Variants in ADPRHL1 observed in about 807,000 individuals in gnomAD.
ADPRHL1 encodes the protein ADP-ribosylhydrolase like 1, also known as inactive ADP-ribosyltransferase ARH2.
In ADPRHL1, 43 loss-of-function variants were observed where a neutral mutation model predicts 44.1. The ratio of observed to expected loss-of-function variants is 0.98; its 90% confidence interval spans 0.76 to 1.26. ADPRHL1 has a LOEUF of 1.26. Among genes scored for constraint, ADPRHL1 ranks in the 50% most tolerant of loss-of-function variants. The probability of loss-of-function intolerance (pLI) is 0.00; values close to 1 mark genes in which losing one functional copy is unlikely to be tolerated. For missense variants in ADPRHL1, 2,022 were observed against 2,496.9 expected (o/e 0.81, Z 4.05); for synonymous variants, 878 against 1,017.4 (o/e 0.86, Z 2.61).
chr13:113,442,711 T>G (rs1371909978), intron 2 of ADPRHL1, among the ~76,000 whole-genome samples: 2 of 152,220 alleles, frequency 1.3e-5, no homozygotes, highest in Admixed American at 1.3e-4. Flanking sequence ...GGAATTGATT[T>G]TCTTGTATCT....
intron 7 of ADPRHL1, among the ~76,000 whole-genome samples, chr13:113,419,893 A>C (rs1174905214): frequency 3.3e-5 from 5 of 152,188 alleles, no homozygotes; most frequent in Non-Finnish European, 7.3e-5. Context: ...TCTCACATAC[A>C]GGTGGACAGC....
At position 113,406,478 on chromosome 13, in the gene ADPRHL1, G is replaced by A. The variant is rs1207167191; in HGVS notation, c.2804C>T (p.Ala935Val). ...RLAAARGAVG[A>V]DHSVPETLLT... Reference sequence around the variant, plus strand: ...AAGTGTCTCTGGGACACTGTGGTCGGCGCCCACAGCCCCTCTTGCTGCTGC... The same window carrying A: ...AAGTGTCTCTGGGACACTGTGGTCGACGCCCACAGCCCCTCTTGCTGCTGC... The change falls in exon 8 of 8, where the codon GCC (alanine) becomes GTC (valine). Residue 935 changes from alanine (A) to valine (V), a missense_variant. Physicochemically the swap from Ala to Val is moderately conservative, Grantham distance 64. Coordinates refer to ENST00000612156, the MANE Select transcript of ADPRHL1 (RefSeq NM_001394807.1). The A allele has an allele frequency of 1.1e-5, 14 of 1,231,828 alleles. No individual in the cohort carries two copies. Among genetic ancestry groups the A allele is most frequent in the Non-Finnish European group, 1.3e-5 (13 of 987,968 alleles). 76.3% of individuals were successfully genotyped at this position (1,231,828 alleles called of 1,614,324 possible).
rs538212431 is a variant in ADPRHL1 at position 113,450,919 on chromosome 13, C to CAG, written c.214+2303_214+2304dup. On this transcript the variant is annotated intron_variant, in intron 1 of 7. Transcript: ENST00000612156. Reference sequence around the variant, plus strand: ...AGGCCCTCCACAAGAGGTGGAAGAGCAGTCTTCTCTAAACTCCCCTGGGGA... The same window carrying CAG: ...AGGCCCTCCACAAGAGGTGGAAGAGCAGAGTCTTCTCTAAACTCCCCTGGGGA... Among the ~76,000 whole-genome samples, 187 of 151,494 alleles carry CAG rather than the reference C, an allele frequency of 1.2e-3. 2 individuals carry two copies. The East Asian group carries it at 0.016, about 13-fold the overall frequency.
intron 1 of ADPRHL1, among the ~76,000 whole-genome samples, chr13:113,445,839 C>A (rs781465991): frequency 2.8e-5 from 4 of 143,308 alleles, no homozygotes; most frequent in Admixed American, 7.3e-5. Context: ...AGCTGCAAAC[C>A]CCTGGCGAGA....
intron 4 of ADPRHL1, among the ~76,000 whole-genome samples, chr13:113,428,198 T>A (rs1452994617): frequency 7.0e-6 from 1 of 142,298 alleles, no homozygotes; most frequent in Non-Finnish European, 1.5e-5. Context: ...GAGCTGAGAT[T>A]GCATCATTGC....
chr13:113,442,194 A>G (rs1166646964), intron 2 of ADPRHL1, among the ~76,000 whole-genome samples: 1 of 152,218 alleles, frequency 6.6e-6, no homozygotes, highest in Non-Finnish European at 1.5e-5. Context: ...GGTGGCTCAC[A>G]CCGTAATCTC....
At position 113,425,193 on chromosome 13, in the gene ADPRHL1, AC is replaced by A; in HGVS notation, c.647-15del. On this transcript the variant is annotated splice_polypyrimidine_tract_variant and intron_variant, in intron 4 of 7. Transcript: ENST00000612156. Reference sequence around the variant, plus strand: ...GCTCCTGGTATTCTAAACATAAAGAACAAGGGGAGCTGAACACAATGGCATC... The same window carrying A: ...GCTCCTGGTATTCTAAACATAAAGAAAAGGGGAGCTGAACACAATGGCATC... 2 of 1,492,652 alleles carry A rather than the reference AC, an allele frequency of 1.3e-6. No individual in the cohort carries two copies. Among genetic ancestry groups the A allele is most frequent in the Non-Finnish European group, 1.8e-6 (2 of 1,104,292 alleles). 92.5% of individuals were successfully genotyped at this position (1,492,652 alleles called of 1,614,324 possible).
At chr13:113,432,728 C>T (rs1322659312) in intron 3 of ADPRHL1, among the ~76,000 whole-genome samples, 7 of 151,908 alleles carry the variant, frequency 4.6e-5, no homozygotes, top group Non-Finnish European at 8.8e-5. Context: ...GCTGTTCTCA[C>T]GGAGGGGTGG....
rs534717179 is a variant in ADPRHL1, at chr13:113,404,256, C to A, written c.5026G>T (p.Ala1676Ser). Residue 1676 changes from alanine to serine, a missense_variant, in exon 8 of 8, where the codon GCT becomes TCT. Physicochemically the swap from Ala to Ser is moderately conservative, Grantham distance 99 (BLOSUM62 1). Coordinates refer to ENST00000612156, the MANE Select transcript of ADPRHL1 (RefSeq NM_001394807.1). ...GQAQKGAQER[A>S]REQAQKGAQE... ...GCCCCTTTCTGGGCCTGTTCCCGAG[C>A]CCGTTCCTGAGCCCCCTTCTGGGCC... 58 of 1,313,246 alleles carry A rather than the reference C, an allele frequency of 4.4e-5. No individual in the cohort carries two copies. The African/African-American group carries it at 7.7e-4, about 18-fold the overall frequency. The allele number at this position is 1,313,246 out of a possible 1,614,324, so 81.3% of individuals were successfully genotyped here.
At chr13:113,432,680 G>A (rs779437488) in intron 3 of ADPRHL1, among the ~76,000 whole-genome samples, 2 of 152,248 alleles carry the variant, frequency 1.3e-5, no homozygotes, top group African/African-American at 2.4e-5. Context: ...CGGCCAGGCC[G>A]GCAGAGCTGC....
chr13:113,422,551 C>T (rs547606985), intron 7 of ADPRHL1: 4 of 464,692 alleles, frequency 8.6e-6, no homozygotes, highest in African/African-American at 2.0e-5. Context: ...CAGGAGACTG[C>T]GGGTGAGTGC....
chr13:113,407,339 G>GGA lies in ADPRHL1; in HGVS notation c.1941_1942dup (p.Pro648LeufsTer43), dbSNP rs2043816652. On this transcript the variant is annotated frameshift_variant, in exon 8 of 8. Coordinates refer to ENST00000612156, the MANE Select transcript of ADPRHL1 (RefSeq NM_001394807.1). LOFTEE classifies it low-confidence loss of function (END_TRUNC). ...GGGCACGCTGGCTTCTCCTCTGGGT[G>GGA]GACGCCTTGCCTCCGAGTGGCTGAT... 8.1e-7 allele frequency: 1 copy of GGA among 1,232,036 alleles called. No homozygotes were observed. The highest frequency in any genetic ancestry group is 1.0e-6 in the Non-Finnish European group (1 of 988,042). 76.3% of individuals were successfully genotyped at this position (1,232,036 alleles called of 1,614,324 possible). A position where few individuals can be genotyped will look rare whatever the true frequency, so the allele number is the denominator to read the frequency against.
Position 113,451,790 on chromosome 13 carries a change from G to A in ADPRHL1, c.214+1434C>T, listed in dbSNP as rs544623912. Among the ~76,000 whole-genome samples, 16 of 151,392 alleles carry A rather than the reference G, an allele frequency of 1.1e-4. No individual in the cohort carries two copies. The South Asian group carries it at 3.3e-3, about 31-fold the overall frequency. Reference sequence around the variant, plus strand: ...GCCACTGCACTCCAGCCTGGGCGATGGAGAAAGACTCCGTCTCAAAAAACA... The same window carrying A: ...GCCACTGCACTCCAGCCTGGGCGATAGAGAAAGACTCCGTCTCAAAAAACA... On this transcript the variant is annotated intron_variant, in intron 1 of 7. Coordinates refer to ENST00000612156, the MANE Select transcript of ADPRHL1 (RefSeq NM_001394807.1).
intron 4 of ADPRHL1, among the ~76,000 whole-genome samples, chr13:113,428,693 G>A (rs1414897631): frequency 6.6e-6 from 1 of 152,252 alleles, no homozygotes; most frequent in East Asian, 1.9e-4. Flanking sequence ...CCCGCCGGAG[G>A]CAAATGTCCC....
intron 4 of ADPRHL1, among the ~76,000 whole-genome samples, chr13:113,426,752 C>T (rs191395574): frequency 2.6e-5 from 4 of 152,368 alleles, no homozygotes; most frequent in South Asian, 2.1e-4. Context: ...CCTGAAACTC[C>T]GGGTGGAGCG....
At chr13:113,446,647 G>A (rs139713272) in intron 1 of ADPRHL1, among the ~76,000 whole-genome samples, 4 of 152,024 alleles carry the variant, frequency 2.6e-5, no homozygotes, top group East Asian at 1.9e-4. Flanking sequence ...GTCTACATGC[G>A]CAGTGTTGTA....
chr13:113,419,912 G>T (rs1027050464), intron 7 of ADPRHL1, among the ~76,000 whole-genome samples: 1 of 152,108 alleles, frequency 6.6e-6, no homozygotes, highest in Non-Finnish European at 1.5e-5. Context: ...GCCAGGGTGT[G>T]TGTGTGGAGG....
At chr13:113,420,907 A>C (rs2043913397) in intron 7 of ADPRHL1, among the ~76,000 whole-genome samples, 2 of 83,714 alleles carry the variant, frequency 2.4e-5, no homozygotes, top group East Asian at 4.3e-4. Context: ...ACCCCGGGAC[A>C]CCACTACCCC....
chr13:113,407,917 G>A lies in ADPRHL1; in HGVS notation c.1365C>T (p.Ile455=), dbSNP rs1166133987. ...CACCCGGCCCCTGCTTGTCCTTGGA[G>A]ATCAGCCGGCCCACCTCCCTGGTCC... ...LKRTREVGRL[I]SKDKQGPGGG... is the part of the protein sequence containing the mutation. The change falls in exon 8 of 8, where the codon ATC becomes ATT. Residue 455 remains isoleucine (I), a synonymous_variant. Transcript: ENST00000612156. The A allele has an allele frequency of 1.1e-5, 13 of 1,231,840 alleles. No individual in the cohort carries two copies. The highest frequency in any genetic ancestry group is 1.6e-5 in the African/African-American group (1 of 64,444). 76.3% of individuals were successfully genotyped at this position (1,231,840 alleles called of 1,614,324 possible). A position where few individuals can be genotyped will look rare whatever the true frequency, so the allele number is the denominator to read the frequency against.
Sources: gnomAD v4.1 joint callset for allele counts (sites outside exome capture counted in the v4.1 genomes callset) on GRCh38, gnomAD v4.1.1 for gene constraint, MANE v1.5 for transcripts, NCBI Gene and HGNC (gene_info 2026-07-23, HGNC 2026-07-21) for gene names.